The following ATP8B4 variants were observed in gnomAD, a reference collection of about 807,000 sequenced individuals.
ATP8B4 encodes probable phospholipid-transporting ATPase IM.
A neutral mutation model predicts 145.6 loss-of-function variants in ATP8B4; 133 were observed. That is an observed-to-expected ratio of 0.91 (90% CI 0.79 to 1.05). The LOEUF (loss-of-function observed/expected upper bound fraction) is 1.05. Among genes scored for constraint, ATP8B4 ranks in the 50% least tolerant of loss-of-function variants. The pLI is 0.00. For missense variants in ATP8B4, 1,458 were observed against 1,425.2 expected (o/e 1.02, Z -0.37); for synonymous variants, 507 against 492.9 (o/e 1.03, Z -0.38).
chr15:50,076,232 G>A lies in ATP8B4; in HGVS notation c.29-2047C>T, dbSNP rs186733160. Among the ~76,000 whole-genome samples, 4 of 152,250 alleles carry A rather than the reference G, an allele frequency of 2.6e-5. No homozygotes were observed. In the East Asian group the frequency reaches 5.8e-4, roughly 22 times the overall value. On this transcript the variant is annotated intron_variant, in intron 2 of 27. Transcript: ENST00000284509. ...TCCTGGGCTGGGTGCGGTGGCTCAC[G>A]CCTGTAATCCCAGCACTTTGGGAGG...
intron 14 of ATP8B4, among the ~76,000 whole-genome samples, chr15:49,946,468 G>C (rs1366673330): frequency 6.6e-6 from 1 of 152,206 alleles, no homozygotes; most frequent in East Asian, 1.9e-4. Context: ...TTAGAACTTA[G>C]AAGCATCTTC....
chr15:49,872,872 GT>G (rs1322857056), intron 25 of ATP8B4, among the ~76,000 whole-genome samples: 1 of 152,126 alleles, frequency 6.6e-6, no homozygotes, highest in Non-Finnish European at 1.5e-5. Context: ...CTGTGGCTCA[GT>G]TAATAGTATT....
At chr15:49,933,378 T>C (rs1332498604) in intron 15 of ATP8B4, among the ~76,000 whole-genome samples, 2 of 152,060 alleles carry the variant, frequency 1.3e-5, no homozygotes, top group Non-Finnish European at 2.9e-5. Flanking sequence ...TAGGTTCAAC[T>C]AGGGCAAGAA....
chr15:50,039,154 T>C (rs925508995), intron 5 of ATP8B4, among the ~76,000 whole-genome samples: 4 of 152,232 alleles, frequency 2.6e-5, no homozygotes, highest in Non-Finnish European at 5.9e-5. Flanking sequence ...TGTATTAATT[T>C]TGATGTCTTT....
chr15:50,091,993 T>C (rs1452825117), intron 2 of ATP8B4, among the ~76,000 whole-genome samples: 1 of 152,064 alleles, frequency 6.6e-6, no homozygotes, highest in African/African-American at 2.4e-5. Context: ...AAAAGAGAAA[T>C]GTATTAAAGT....
At chr15:49,876,838 C>T in intron 24 of ATP8B4, 4 of 457,722 alleles carry the variant, frequency 8.7e-6, no homozygotes, top group Non-Finnish European at 1.2e-5. Context: ...CTTTCCTACA[C>T]TCTCCTGCAG....
At chr15:49,872,941 T>C (rs999779090) in intron 25 of ATP8B4, among the ~76,000 whole-genome samples, 1 of 152,218 alleles carries the variant, frequency 6.6e-6, no homozygotes, top group Non-Finnish European at 1.5e-5. Flanking sequence ...AAGATGTTAA[T>C]ATTAACATCA....
At chr15:50,114,541 C>T (rs1190003216) in intron 1 of ATP8B4, 1 of 152,566 alleles carries the variant, frequency 6.6e-6, no homozygotes, top group Non-Finnish European at 1.5e-5. Context: ...CTTCTCTCAA[C>T]CCTGCTTTGG....
chr15:50,026,392 T>C (rs553519852), intron 6 of ATP8B4, among the ~76,000 whole-genome samples: 1 of 152,194 alleles, frequency 6.6e-6, no homozygotes, highest in East Asian at 1.9e-4. Context: ...CCCAAAAAGT[T>C]TGATTCAAGA....
chr15:49,987,680 T>C, intron 9 of ATP8B4, 131 bp from the exon 10 acceptor site: 1 of 922,296 alleles, frequency 1.1e-6, no homozygotes, highest in South Asian at 2.4e-5. Context: ...AGAATTGTGC[T>C]AGAAAAAAAT....
intron 7 of ATP8B4, among the ~76,000 whole-genome samples, chr15:50,010,259 T>C (rs74846527): frequency 0.039 from 5,912 of 152,170 alleles, 404 homozygotes; most frequent in African/African-American, 0.14. Context: ...TATATTTTAG[T>C]GATTAGACTA....
Position 49,972,498 on chromosome 15 carries a change from G to A in ATP8B4, c.1243+84C>T, listed in dbSNP as rs554757923. 6.5e-6 allele frequency: 9 copies of A among 1,381,824 alleles called. No individual in the cohort carries two copies. The East Asian group carries it at 1.7e-4, about 26-fold the overall frequency. 85.6% of individuals were successfully genotyped at this position (1,381,824 alleles called of 1,614,324 possible). ...AATAAGAAAGCCAGCGACTGTTTTG[G>A]ATTTTTAAATTTTTTTTTAATGGGG... On this transcript the variant is annotated intron_variant, in intron 13 of 27. Transcript: ENST00000284509.
At chr15:50,082,271 T>C (rs1342845660) in intron 2 of ATP8B4, among the ~76,000 whole-genome samples, 2 of 152,120 alleles carry the variant, frequency 1.3e-5, no homozygotes, top group South Asian at 2.1e-4. Flanking sequence ...TCTGATACAA[T>C]TGAAAAATGT....
At chr15:50,053,908 A>G (rs2052379710) in intron 3 of ATP8B4, among the ~76,000 whole-genome samples, 1 of 152,230 alleles carries the variant, frequency 6.6e-6, no homozygotes, top group South Asian at 2.1e-4. Flanking sequence ...AAACTCTGCT[A>G]TATTAGCAAA....
chr15:49,898,632 A>G (rs2037683835), intron 21 of ATP8B4, among the ~76,000 whole-genome samples: 1 of 152,246 alleles, frequency 6.6e-6, no homozygotes, highest in South Asian at 2.1e-4. Flanking sequence ...AGAATGAACT[A>G]CAAATGATGA....
intron 4 of ATP8B4, 35 bp downstream of exon 4, chr15:50,047,315 CA>C (rs768351399): frequency 1.5e-6 from 2 of 1,319,060 alleles, no homozygotes; most frequent in East Asian, 2.3e-5. Flanking sequence ...ATACTTTAAA[CA>C]AACAGATAAT....
rs58363112 is a variant in ATP8B4, at chr15:50,029,238, T to TAAAAAAAAAAAAA, written c.362+9517_362+9529dup. Among the ~76,000 whole-genome samples the TAAAAAAAAAAAAA allele has an allele frequency of 3.3e-4, 25 of 76,594 alleles. 1 individual carries two copies. Among genetic ancestry groups the TAAAAAAAAAAAAA allele is most frequent in the African/African-American group, 6.7e-4 (11 of 16,478 alleles). 50.2% of individuals were successfully genotyped at this position (76,594 alleles called of 152,430 possible). ...CTGGCAACAGAGCAAGACTCCATCT[T>TAAAAAAAAAAAAA]AAAAAAAAAAAAAAAAAAACAGAAA... On this transcript the variant is annotated intron_variant, in intron 6 of 27. Coordinates refer to ENST00000284509, the MANE Select transcript of ATP8B4 (RefSeq NM_024837.4).
chr15:49,893,280 G>C (rs1226363529), intron 23 of ATP8B4, among the ~76,000 whole-genome samples: 2 of 152,170 alleles, frequency 1.3e-5, no homozygotes, highest in African/African-American at 2.4e-5. Flanking sequence ...CCTGAAGAGA[G>C]AAGATGGGGA....
intron 2 of ATP8B4, among the ~76,000 whole-genome samples, chr15:50,104,866 T>TACACACACACACACAC (rs142425113): frequency 0.18 from 20,732 of 116,050 alleles, 1,534 homozygotes; most frequent in South Asian, 0.24. Flanking sequence ...AAATGTTGCA[T>TACACACACACACACAC]ACACACACAC....
Sources: gnomAD v4.1 joint callset for allele counts (sites outside exome capture counted in the v4.1 genomes callset) on GRCh38, gnomAD v4.1.1 for gene constraint, MANE v1.5 for transcripts, NCBI Gene and HGNC (gene_info 2026-07-23, HGNC 2026-07-21) for gene names.